The following MGAT4C variants were observed in gnomAD, a reference collection of about 807,000 sequenced individuals.
MGAT4C encodes the protein MGAT4 family member C, also known as alpha-1,3-mannosyl-glycoprotein 4-beta-N-acetylglucosaminyltransferase C.
Under a neutral mutation model 40.1 loss-of-function variants are expected in MGAT4C, and 19 were observed. The observed-to-expected ratio is 0.47, with a 90% CI of 0.33 to 0.70. MGAT4C has a LOEUF of 0.70. MGAT4C is among the 30% of genes least tolerant of loss of function. MGAT4C has a pLI of 0.02. For synonymous variants in MGAT4C, 181 were observed against 187.1 expected (o/e 0.97, Z 0.27); for missense variants, 491 against 563.2 (o/e 0.87, Z 1.30).
At chr12:86,103,940 T>G (rs866705957) in intron 1 of MGAT4C, among the ~76,000 whole-genome samples, 7 of 152,104 alleles carry the variant, frequency 4.6e-5, no homozygotes, top group Non-Finnish European at 8.8e-5. Context: ...TCTAAATTAG[T>G]TTTTCTTCAG....
intron 2 of MGAT4C, among the ~76,000 whole-genome samples, chr12:86,565,037 T>A (rs1960030619): frequency 6.6e-6 from 1 of 152,112 alleles, no homozygotes; most frequent in Admixed American, 6.6e-5. Flanking sequence ...AGATAACTAC[T>A]CTCTTCTTGA....
Position 85,981,038 on chromosome 12 carries a change from G to C in MGAT4C, c.296-608C>G, listed in dbSNP as rs551866676. 2.6e-5 allele frequency among the ~76,000 whole-genome samples: 4 copies of C among 152,096 alleles called. No individual in the cohort carries two copies. The South Asian group carries it at 8.3e-4, about 32-fold the overall frequency. ...GGACTTCACAATTTTATCTTGAAAT[G>C]TACATAGTATATTAATTAGAAAGCA... On this transcript the variant is annotated intron_variant, in intron 4 of 4. Coordinates refer to ENST00000611864, the MANE Select transcript of MGAT4C (RefSeq NM_001351288.2).
chr12:86,711,580 T>C (rs1020807105), intron 2 of MGAT4C, among the ~76,000 whole-genome samples: 2 of 152,182 alleles, frequency 1.3e-5, no homozygotes, highest in African/African-American at 4.8e-5. Flanking sequence ...TTCTTTTAAG[T>C]AGTACAACTT....
intron 2 of MGAT4C, among the ~76,000 whole-genome samples, chr12:86,444,936 C>T (rs1487248880): frequency 6.6e-6 from 1 of 152,136 alleles, no homozygotes; most frequent in Non-Finnish European, 1.5e-5. Context: ...AAAGTACATA[C>T]TATATGACTT....
chr12:86,742,726 T>C (rs915160662), intron 1 of MGAT4C, among the ~76,000 whole-genome samples: 3 of 151,538 alleles, frequency 2.0e-5, no homozygotes, highest in Non-Finnish European at 4.4e-5. Flanking sequence ...CTTAGCATAG[T>C]AAATTAGTAT....
At chr12:86,742,655 C>A (rs1306027386) in intron 1 of MGAT4C, among the ~76,000 whole-genome samples, 2 of 151,272 alleles carry the variant, frequency 1.3e-5, no homozygotes, top group African/African-American at 4.8e-5. Flanking sequence ...AATTATTGAG[C>A]CATTGAGTTT....
At chr12:86,196,900 T>A (rs988978012) in intron 1 of MGAT4C, among the ~76,000 whole-genome samples, 4 of 152,186 alleles carry the variant, frequency 2.6e-5, no homozygotes, top group Non-Finnish European at 4.4e-5. Flanking sequence ...CTCTAGAACA[T>A]GCTTTCCACT....
chr12:86,601,371 A>G (rs1302285690), intron 2 of MGAT4C: 1 of 151,836 alleles, frequency 6.6e-6, no homozygotes, highest in Non-Finnish European at 1.5e-5. Flanking sequence ...CCTGTAACCA[A>G]TCAGCACTCA....
chr12:86,312,996 G>A (rs1036416774), intron 4 of MGAT4C, among the ~76,000 whole-genome samples: 1 of 152,056 alleles, frequency 6.6e-6, no homozygotes, highest in Non-Finnish European at 1.5e-5. Context: ...TTTTTGATAT[G>A]TGAAATTTTA....
chr12:86,645,533 A>G (rs936221398), intron 2 of MGAT4C, among the ~76,000 whole-genome samples: 5 of 151,808 alleles, frequency 3.3e-5, no homozygotes, highest in African/African-American at 1.2e-4. Flanking sequence ...GCAATAAAGT[A>G]CAATCTTGGC....
chr12:85,977,804 AC>A lies in MGAT4C; in HGVS notation c.*1484del, dbSNP rs1884113232. 3.3e-5 allele frequency: 4 copies of A among 121,838 alleles called. No individual in the cohort carries two copies. The highest frequency in any genetic ancestry group is 4.0e-5 in the Non-Finnish European group (2 of 49,722). 7.5% of individuals were successfully genotyped at this position (121,838 alleles called of 1,614,324 possible). ...TTCACACACACACACACACACACAC[AC>A]ACACACACACACACACACACACACA... On this transcript the variant is annotated 3_prime_UTR_variant, in exon 5 of 5. Coordinates refer to ENST00000611864, the MANE Select transcript of MGAT4C (RefSeq NM_001351288.2).
chr12:86,572,435 A>G (rs752790844), intron 2 of MGAT4C, among the ~76,000 whole-genome samples: 1 of 152,048 alleles, frequency 6.6e-6, no homozygotes, highest in African/African-American at 2.4e-5. Context: ...AATTTTATTA[A>G]TATACATAAC....
intron 1 of MGAT4C, among the ~76,000 whole-genome samples, chr12:86,111,077 G>A (rs571454860): frequency 6.6e-6 from 1 of 151,830 alleles, no homozygotes; most frequent in South Asian, 2.1e-4. Context: ...TTAATAAAAT[G>A]TTAAAGTAAC....
intron 1 of MGAT4C, among the ~76,000 whole-genome samples, chr12:86,089,724 A>G (rs564973374): frequency 6.6e-6 from 1 of 151,492 alleles, no homozygotes; most frequent in African/African-American, 2.4e-5. Context: ...TTTTTTGCCT[A>G]TCATTTATTT....
chr12:86,046,022 G>C (rs915526240), intron 2 of MGAT4C, among the ~76,000 whole-genome samples: 5 of 151,794 alleles, frequency 3.3e-5, no homozygotes, highest in African/African-American at 9.7e-5. Flanking sequence ...ATGAATTTTA[G>C]GTGACAGCAG....
chr12:86,502,605 T>TTA (rs1001204189), intron 2 of MGAT4C, among the ~76,000 whole-genome samples: 2 of 77,980 alleles, frequency 2.6e-5, no homozygotes, highest in African/African-American at 6.9e-5. Flanking sequence ...GAGGGTGAAG[T>TTA]TATATATATA....
chr12:86,307,807 A>T (rs1269953562), intron 4 of MGAT4C, among the ~76,000 whole-genome samples: 5 of 149,720 alleles, frequency 3.3e-5, no homozygotes, highest in Non-Finnish European at 7.4e-5. Flanking sequence ...GGTTCACGCC[A>T]TTCTCCTGCC....
intron 1 of MGAT4C, among the ~76,000 whole-genome samples, chr12:86,765,007 C>G (rs1380542396): frequency 6.6e-6 from 1 of 152,186 alleles, no homozygotes; most frequent in African/African-American, 2.4e-5. Context: ...TGGAACAAAG[C>G]TGGACGGAGA....
chr12:86,645,058 T>A (rs575015304), intron 2 of MGAT4C, among the ~76,000 whole-genome samples: 6 of 151,602 alleles, frequency 4.0e-5, no homozygotes, highest in Non-Finnish European at 7.4e-5. Flanking sequence ...TGTGATCTCA[T>A]ATATATGAAT....
Sources: allele counts gnomAD v4.1 joint callset (sites outside exome capture counted in the v4.1 genomes callset), GRCh38; gene constraint gnomAD v4.1.1; transcripts MANE v1.5; gene names NCBI Gene and HGNC (gene_info 2026-07-23, HGNC 2026-07-21).